Variants in CNTN5 observed in about 807,000 individuals in gnomAD.
The protein encoded by CNTN5 is contactin-5.
Under a neutral mutation model 129.1 loss-of-function variants are expected in CNTN5, and 77 were observed. The ratio of observed to expected loss-of-function variants is 0.60; its 90% CI spans 0.50 to 0.72. The LOEUF is 0.72. Among genes scored for constraint, CNTN5 ranks in the 30% least tolerant of loss-of-function variants. The pLI, the probability that CNTN5 is intolerant of heterozygous loss-of-function variation, is 0.00. For missense variants in CNTN5, 1,478 were observed against 1,328.8 expected (o/e 1.11, Z -1.75); for synonymous variants, 509 against 465.6 (o/e 1.09, Z -1.20).
intron 3 of CNTN5, among the ~76,000 whole-genome samples, chr11:99,645,903 AC>A (rs1226711678): frequency 6.6e-6 from 1 of 152,146 alleles, no homozygotes; most frequent in East Asian, 1.9e-4. Context: ...TATGTAACAA[AC>A]CTGCAAGTTT....
At chr11:99,840,185 C>T (rs559715120) in intron 4 of CNTN5, among the ~76,000 whole-genome samples, 2 of 152,080 alleles carry the variant, frequency 1.3e-5, no homozygotes, top group African/African-American at 4.8e-5. Context: ...AAAATACACG[C>T]AAAATCATTA....
rs1948991172 is a variant in CNTN5 at position 99,889,325 on chromosome 11, TGTGTGTGTGTGTG to T, written c.578-26728_578-26716del. On this transcript the variant is annotated intron_variant, in intron 6 of 24. Coordinates refer to ENST00000524871, the MANE Select transcript of CNTN5 (RefSeq NM_014361.4). ...GTGTGTGTGTGTGTGTGTGTGTGTG[TGTGTGTGTGTGTG>T]TGTGTGTGTGTGTGTGTGTATATAT... Among the ~76,000 whole-genome samples, 1,022 of 113,260 alleles carry T rather than the reference TGTGTGTGTGTGTG, an allele frequency of 9.0e-3. 39 individuals are homozygous for T. Among genetic ancestry groups the T allele is most frequent in the African/African-American group, 0.028 (962 of 33,818 alleles). The allele number at this position is 113,260 out of a possible 152,430, so 74.3% of individuals were successfully genotyped here.
intron 7 of CNTN5, among the ~76,000 whole-genome samples, chr11:99,924,262 T>C (rs2120164): frequency 0.99 from 150,409 of 152,260 alleles, 74,321 homozygotes; most frequent in Middle Eastern, 1. Context: ...TATCCTTTGC[T>C]TACTTTTTGG....
chr11:99,879,885 A>G (rs1301807874), intron 6 of CNTN5, among the ~76,000 whole-genome samples: 3 of 152,334 alleles, frequency 2.0e-5, no homozygotes, highest in Admixed American at 6.5e-5. Flanking sequence ...TAACAACTCC[A>G]TAGTCCTCCT....
chr11:99,457,076 A>C (rs1012881710), intron 2 of CNTN5, among the ~76,000 whole-genome samples: 2 of 152,008 alleles, frequency 1.3e-5, no homozygotes, highest in African/African-American at 2.4e-5. Flanking sequence ...AGGTTTCCAA[A>C]GTTATTTGGA....
chr11:100,093,757 C>G (rs966077570), intron 13 of CNTN5, among the ~76,000 whole-genome samples: 1 of 152,088 alleles, frequency 6.6e-6, no homozygotes, highest in African/African-American at 2.4e-5. Context: ...AAGAATTACA[C>G]GTGGATTTTG....
At chr11:100,075,445 T>C (rs566792541) in intron 13 of CNTN5, among the ~76,000 whole-genome samples, 144 of 152,246 alleles carry the variant, frequency 9.5e-4, no homozygotes, top group African/African-American at 3.4e-3. Flanking sequence ...ACATAACACA[T>C]TTATTTAATC....
chr11:99,392,754 C>T (rs186775301), intron 2 of CNTN5, among the ~76,000 whole-genome samples: 26 of 151,690 alleles, frequency 1.7e-4, no homozygotes, highest in Non-Finnish European at 2.7e-4. Flanking sequence ...TAAAAGGTTG[C>T]CATGAATTGT....
At chr11:99,234,972 A>T (rs117406478) in intron 1 of CNTN5, among the ~76,000 whole-genome samples, 1,557 of 152,162 alleles carry the variant, frequency 0.01, 13 homozygotes, top group Non-Finnish European at 0.016. Flanking sequence ...GTCAATTGAG[A>T]AACCAGGATG....
At chr11:99,177,284 T>G (rs1456191272) in intron 1 of CNTN5, among the ~76,000 whole-genome samples, 1 of 152,040 alleles carries the variant, frequency 6.6e-6, no homozygotes. Flanking sequence ...ATATGCTATT[T>G]ATTTATTTGT....
chr11:99,542,992 T>G (rs186396193), intron 2 of CNTN5, among the ~76,000 whole-genome samples: 1 of 152,336 alleles, frequency 6.6e-6, no homozygotes, highest in Admixed American at 6.5e-5. Flanking sequence ...CCTTTTCAGT[T>G]GAAGGCCTTG....
intron 7 of CNTN5, among the ~76,000 whole-genome samples, chr11:99,955,582 CAG>C (rs1184478580): frequency 2.6e-5 from 4 of 151,640 alleles, no homozygotes; most frequent in Non-Finnish European, 2.9e-5. Flanking sequence ...TTTTTTGAGA[CAG>C]AGTCTTGCTC....
At chr11:99,217,553 A>G (rs972363692) in intron 1 of CNTN5, among the ~76,000 whole-genome samples, 2 of 152,196 alleles carry the variant, frequency 1.3e-5, no homozygotes, top group African/African-American at 4.8e-5. Flanking sequence ...CGCAGGTGAC[A>G]TCAATGCTAT....
intron 1 of CNTN5, among the ~76,000 whole-genome samples, chr11:99,131,053 G>T (rs1464895610): frequency 6.7e-6 from 1 of 150,202 alleles, no homozygotes; most frequent in Non-Finnish European, 1.5e-5. Context: ...ACAAGGTCAG[G>T]AGATCGAGAC....
At chr11:99,029,301 G>T (rs1220478314) in intron 1 of CNTN5, among the ~76,000 whole-genome samples, 3 of 151,616 alleles carry the variant, frequency 2.0e-5, no homozygotes, top group Non-Finnish European at 2.9e-5. Flanking sequence ...AGCATTTAAA[G>T]ATTATTCTGT....
At chr11:99,947,114 T>A (rs375091065) in intron 7 of CNTN5, among the ~76,000 whole-genome samples, 1 of 151,736 alleles carries the variant, frequency 6.6e-6, no homozygotes, top group East Asian at 1.9e-4. Flanking sequence ...AACTATGTGA[T>A]TTTACAGAGA....
chr11:100,173,952 C>T (rs1455398453), intron 13 of CNTN5, among the ~76,000 whole-genome samples: 1 of 152,116 alleles, frequency 6.6e-6, no homozygotes, highest in East Asian at 1.9e-4. Flanking sequence ...CTCCTCACAG[C>T]TGCAGGGTCC....
At chr11:99,382,018 A>C (rs1184467152) in intron 2 of CNTN5, among the ~76,000 whole-genome samples, 1 of 152,028 alleles carries the variant, frequency 6.6e-6, no homozygotes, top group African/African-American at 2.4e-5. Flanking sequence ...AAAAAACTGC[A>C]AGCTCTTGAA....
At chr11:99,372,075 G>A (rs1939861160) in intron 2 of CNTN5, among the ~76,000 whole-genome samples, 1 of 152,144 alleles carries the variant, frequency 6.6e-6, no homozygotes. Context: ...TATTGTTATG[G>A]AAAATGGCTG....
Sources: gnomAD v4.1 joint callset for allele counts (sites outside exome capture counted in the v4.1 genomes callset) on GRCh38, gnomAD v4.1.1 for gene constraint, MANE v1.5 for transcripts, NCBI Gene and HGNC (gene_info 2026-07-23, HGNC 2026-07-21) for gene names.